The following VPS13B variants were observed in gnomAD, a reference collection of about 807,000 sequenced individuals.
VPS13B encodes intermembrane lipid transfer protein VPS13B.
A neutral mutation model predicts 426.4 loss-of-function variants in VPS13B; 285 were observed. The observed-to-expected ratio is 0.67, with a 90% CI of 0.61 to 0.74. The LOEUF is 0.74. Ranked by LOEUF, VPS13B falls within the 30% of genes least tolerant of loss-of-function variation. The pLI is 0.00. For synonymous variants in VPS13B, 1,676 were observed against 1,676.4 expected (o/e 1.00, Z 0.01); for missense variants, 4,537 against 4,782.6 (o/e 0.95, Z 1.51).
chr8:99,498,281 A>T (rs986818900), intron 25 of VPS13B, among the ~76,000 whole-genome samples: 1 of 152,142 alleles, frequency 6.6e-6, no homozygotes, highest in African/African-American at 2.4e-5. Flanking sequence ...CAATCATTAA[A>T]ATTTTTAAAC....
chr8:99,327,611 C>T (rs570108457), intron 19 of VPS13B, among the ~76,000 whole-genome samples: 14 of 152,232 alleles, frequency 9.2e-5, no homozygotes, highest in East Asian at 7.7e-4. Flanking sequence ...CAACACACTT[C>T]GGATACTGTA....
intron 15 of VPS13B, among the ~76,000 whole-genome samples, chr8:99,166,413 T>A (rs993341668): frequency 3.3e-5 from 5 of 152,232 alleles, no homozygotes; most frequent in Non-Finnish European, 7.3e-5. Context: ...AAATTATTCT[T>A]TGCTTGTAGG....
chr8:99,493,704 C>G (rs1357536569), intron 25 of VPS13B, among the ~76,000 whole-genome samples: 1 of 150,142 alleles, frequency 6.7e-6, no homozygotes, highest in Non-Finnish European at 1.5e-5. Flanking sequence ...ATCACTTGAA[C>G]CTGGGAGGCG....
At chr8:99,743,475 T>G (rs1335984357) in intron 39 of VPS13B, among the ~76,000 whole-genome samples, 2 of 151,968 alleles carry the variant, frequency 1.3e-5, no homozygotes, top group Admixed American at 6.6e-5. Context: ...AAAACTACTT[T>G]AAAGTTCATA....
intron 46 of VPS13B, 86 bp from the exon 47 acceptor site, chr8:99,818,627 T>C (rs908080394): frequency 1.2e-6 from 2 of 1,603,270 alleles, no homozygotes; most frequent in African/African-American, 1.3e-5. Context: ...GGGAAGAGAT[T>C]TATTACAAGT....
chr8:99,840,926 C>A (rs555667950), intron 54 of VPS13B, among the ~76,000 whole-genome samples: 3 of 152,214 alleles, frequency 2.0e-5, no homozygotes, highest in African/African-American at 7.2e-5. Context: ...TTACTTCGCT[C>A]ACCTTCCCAG....
At chr8:99,173,409 T>TGTA (rs2132672291) in intron 16 of VPS13B, among the ~76,000 whole-genome samples, 1 of 152,240 alleles carries the variant, frequency 6.6e-6, no homozygotes, top group South Asian at 2.1e-4. Context: ...TAAAAAAAAT[T>TGTA]GCCAGTAATA....
At position 99,690,099 on chromosome 8, in the gene VPS13B, G is replaced by A. The variant is rs190824933; in HGVS notation, c.6047-9426G>A. Among the ~76,000 whole-genome samples the A allele has an allele frequency of 1.6e-3, 249 of 152,136 alleles. 2 individuals carry two copies. The highest frequency in any genetic ancestry group is 2.2e-3 in the Non-Finnish European group (152 of 68,012). On this transcript the variant is annotated intron_variant, in intron 35 of 61. Transcript: ENST00000357162. ...TAGAATTTGGAAGCCCACATACAGGGATGCAGAGGCAAATGTGTGAGTCAT... is the reference window on the plus strand; with the variant it reads ...TAGAATTTGGAAGCCCACATACAGGAATGCAGAGGCAAATGTGTGAGTCAT...
chr8:99,210,131 G>T (rs1401191688), intron 17 of VPS13B, among the ~76,000 whole-genome samples: 1 of 152,166 alleles, frequency 6.6e-6, no homozygotes, highest in Non-Finnish European at 1.5e-5. Flanking sequence ...CTGGTTCTAG[G>T]TTTAAGTGAA....
chr8:99,189,771 G>A (rs1221466764), intron 16 of VPS13B, among the ~76,000 whole-genome samples: 1 of 152,094 alleles, frequency 6.6e-6, no homozygotes. Flanking sequence ...GCTATTTGGA[G>A]ATTTATACAT....
intron 19 of VPS13B, among the ~76,000 whole-genome samples, chr8:99,338,730 T>C (rs1811069219): frequency 6.6e-6 from 1 of 152,168 alleles, no homozygotes; most frequent in Admixed American, 6.5e-5. Context: ...GTTTATATGT[T>C]GCAGAATTTT....
chr8:99,083,559 T>G (rs1334978584), intron 3 of VPS13B, among the ~76,000 whole-genome samples: 1 of 144,858 alleles, frequency 6.9e-6, no homozygotes, highest in Non-Finnish European at 1.5e-5. Flanking sequence ...ATGCTTCCAG[T>G]TTTTGCCCAT....
In VPS13B at chr8:99,187,300, A is replaced by T. The variant is rs530368526; in HGVS notation, c.2334-5576A>T. Among the ~76,000 whole-genome samples the T allele has an allele frequency of 1.6e-4, 25 of 152,322 alleles. No individual in the cohort carries two copies. The East Asian group carries it at 4.0e-3, about 25-fold the overall frequency. On this transcript the variant is annotated intron_variant, in intron 16 of 61. Transcript: ENST00000357162. ...CCTAGTTAACTATTTTAAAATGCTT[A>T]TAGAATAAAAAGGAAAATGAGAAAG...
intron 35 of VPS13B, among the ~76,000 whole-genome samples, chr8:99,682,084 G>A (rs1831176312): frequency 6.6e-6 from 1 of 152,220 alleles, no homozygotes; most frequent in Non-Finnish European, 1.5e-5. Flanking sequence ...TTATGCTGCT[G>A]AAGTTATTAA....
intron 36 of VPS13B, among the ~76,000 whole-genome samples, chr8:99,706,674 A>G (rs560371804): frequency 6.6e-6 from 1 of 152,256 alleles, no homozygotes; most frequent in East Asian, 1.9e-4. Context: ...TATTTGTTTT[A>G]GAATTGTGTG....
chr8:99,582,666 C>CT lies in VPS13B; in HGVS notation c.5220+5040dup, dbSNP rs1384888517. On this transcript the variant is annotated intron_variant, in intron 33 of 61. Transcript: ENST00000357162. Reference sequence around the variant, plus strand: ...CCACATTTTCTTTTTTTTCTTTTTTCTTTTTTTGAGATGGAGTCTCGCTCT... The same window carrying CT: ...CCACATTTTCTTTTTTTTCTTTTTTCTTTTTTTTGAGATGGAGTCTCGCTCT... Among the ~76,000 whole-genome samples, 5 of 149,580 alleles carry CT rather than the reference C, an allele frequency of 3.3e-5. No homozygotes were observed. In the South Asian group the frequency reaches 6.3e-4, roughly 19 times the overall value.
At chr8:99,215,326 A>G (rs1270425342) in intron 17 of VPS13B, among the ~76,000 whole-genome samples, 1 of 152,228 alleles carries the variant, frequency 6.6e-6, no homozygotes, top group Non-Finnish European at 1.5e-5. Context: ...ATTAGATTAT[A>G]GGAATTAATT....
intron 40 of VPS13B, among the ~76,000 whole-genome samples, chr8:99,767,837 G>A (rs1417414602): frequency 1.3e-5 from 2 of 152,110 alleles, no homozygotes; most frequent in Admixed American, 6.5e-5. Context: ...CTGTTGGGGA[G>A]AGGATCCCTT....
chr8:99,337,202 T>C (rs1810947243), intron 19 of VPS13B, among the ~76,000 whole-genome samples: 1 of 152,154 alleles, frequency 6.6e-6, no homozygotes. Context: ...GATGATTTCA[T>C]GTCCTTTGTA....
Sources: gnomAD v4.1 joint callset for allele counts (sites outside exome capture counted in the v4.1 genomes callset) on GRCh38, gnomAD v4.1.1 for gene constraint, MANE v1.5 for transcripts, NCBI Gene and HGNC (gene_info 2026-07-23, HGNC 2026-07-21) for gene names.